TSHZ2: variants seen among roughly 807,000 people sequenced by gnomAD.
TSHZ2 encodes the protein teashirt homolog 2.
A neutral mutation model predicts 74.4 loss-of-function variants in TSHZ2; 21 were observed. The observed-to-expected ratio is 0.28, with a 90% CI of 0.20 to 0.41. TSHZ2 has a LOEUF of 0.41. Among genes scored for constraint, TSHZ2 ranks in the 10% least tolerant of loss-of-function variants. The pLI is 1.00. For synonymous variants in TSHZ2, 540 were observed against 515.3 expected, an observed-to-expected ratio of 1.05 and a Z score of -0.65; for missense variants, 1,244 against 1,293.5, an observed-to-expected ratio of 0.96 and a Z score of 0.59.
intron 1 of TSHZ2, among the ~76,000 whole-genome samples, chr20:53,216,511 C>A (rs1989436808): frequency 6.6e-6 from 1 of 152,204 alleles, no homozygotes; most frequent in South Asian, 2.1e-4. Flanking sequence ...AAAATCAGGA[C>A]AACAAAGGGT....
At chr20:53,260,207 A>G (rs1371533607) in intron 2 of TSHZ2, among the ~76,000 whole-genome samples, 2 of 152,258 alleles carry the variant, frequency 1.3e-5, no homozygotes, top group African/African-American at 4.8e-5. Context: ...ACCAATTGTA[A>G]TAGCAAAACA....
chr20:53,229,108 A>G (rs1018155474), intron 1 of TSHZ2, among the ~76,000 whole-genome samples: 1 of 152,180 alleles, frequency 6.6e-6, no homozygotes, highest in African/African-American at 2.4e-5. Flanking sequence ...TGAAACCTCT[A>G]GAAACGGGCT....
intron 1 of TSHZ2, among the ~76,000 whole-genome samples, chr20:53,123,174 A>G (rs1308442355): frequency 6.6e-6 from 1 of 152,198 alleles, no homozygotes; most frequent in Non-Finnish European, 1.5e-5. Context: ...TTTTCAAAGC[A>G]ACTTCTATGA....
At chr20:53,153,540 G>T (rs969340357) in intron 1 of TSHZ2, among the ~76,000 whole-genome samples, 4 of 152,186 alleles carry the variant, frequency 2.6e-5, no homozygotes, top group Non-Finnish European at 5.9e-5. Flanking sequence ...GATGTGAAAG[G>T]TGGAGGACTA....
At chr20:53,237,560 G>A (rs1989970118) in intron 1 of TSHZ2, among the ~76,000 whole-genome samples, 1 of 151,554 alleles carries the variant, frequency 6.6e-6, no homozygotes, top group Non-Finnish European at 1.5e-5. Context: ...TTCTACATAC[G>A]AAAAATATAG....
At chr20:53,093,260 TG>T (rs1252666942) in intron 1 of TSHZ2, among the ~76,000 whole-genome samples, 2 of 152,214 alleles carry the variant, frequency 1.3e-5, no homozygotes, top group Non-Finnish European at 2.9e-5. Context: ...ACACATCCAA[TG>T]TTAGATGCTA....
At chr20:53,290,935 T>C (rs1991265904) in intron 2 of TSHZ2, among the ~76,000 whole-genome samples, 1 of 152,228 alleles carries the variant, frequency 6.6e-6, no homozygotes, top group South Asian at 2.1e-4. Context: ...TGCTATAATG[T>C]CATATTTGAG....
chr20:53,323,722 C>T (rs1263862010), intron 2 of TSHZ2, among the ~76,000 whole-genome samples: 1 of 151,618 alleles, frequency 6.6e-6, no homozygotes, highest in Admixed American at 6.6e-5. Context: ...ATTACAGGCG[C>T]ACACCACCAC....
intron 2 of TSHZ2, among the ~76,000 whole-genome samples, chr20:53,359,355 TC>T: frequency 6.6e-6 from 1 of 152,294 alleles, no homozygotes; most frequent in East Asian, 1.9e-4. Flanking sequence ...CAATTTCTTA[TC>T]TGTAAAATGA....
At chr20:53,139,496 C>T (rs1293420) in intron 1 of TSHZ2, among the ~76,000 whole-genome samples, 11,157 of 152,248 alleles carry the variant, frequency 0.073, 457 homozygotes, top group Non-Finnish European at 0.089. Context: ...TGCTGTGGTA[C>T]CAGCTGCCAG....
intron 1 of TSHZ2, among the ~76,000 whole-genome samples, chr20:53,251,402 A>AT (rs1319595604): frequency 6.6e-6 from 1 of 152,152 alleles, no homozygotes; most frequent in Non-Finnish European, 1.5e-5. Flanking sequence ...TGGTATATCT[A>AT]TTTTTTGCAA....
chr20:53,030,009 T>C (rs969003854), intron 1 of TSHZ2, among the ~76,000 whole-genome samples: 1 of 152,186 alleles, frequency 6.6e-6, no homozygotes, highest in Non-Finnish European at 1.5e-5. Context: ...ACTCTTGTTT[T>C]AACATCTGTG....
chr20:53,421,971 G>A lies in TSHZ2; in HGVS notation c.*9-65173G>A, dbSNP rs139083426. Among the ~76,000 whole-genome samples, 11 of 152,086 alleles carry A rather than the reference G, an allele frequency of 7.2e-5. No homozygotes were observed. The East Asian group carries it at 1.5e-3, about 21-fold the overall frequency. ...GCTGGGATTACAGGCATGAGCCACCGCACCCGGCCTATCTTATGTTTTATC... is the reference window on the plus strand; with the variant it reads ...GCTGGGATTACAGGCATGAGCCACCACACCCGGCCTATCTTATGTTTTATC... On this transcript the variant is annotated intron_variant, in intron 2 of 2. Coordinates refer to ENST00000371497, the MANE Select transcript of TSHZ2 (RefSeq NM_173485.6).
chr20:53,372,587 G>T (rs888545227), intron 2 of TSHZ2, among the ~76,000 whole-genome samples: 1 of 152,132 alleles, frequency 6.6e-6, no homozygotes, highest in African/African-American at 2.4e-5. Flanking sequence ...TGTCTCCAAG[G>T]TCTCTTCCAT....
At chr20:52,986,397 C>T (rs1450838313) in intron 1 of TSHZ2, among the ~76,000 whole-genome samples, 1 of 116,136 alleles carries the variant, frequency 8.6e-6, no homozygotes, top group East Asian at 3.2e-4. Context: ...GAGCAAGAAT[C>T]CATCAAAAAA....
At chr20:53,032,211 G>T (rs914850434) in intron 1 of TSHZ2, among the ~76,000 whole-genome samples, 2 of 152,184 alleles carry the variant, frequency 1.3e-5, no homozygotes, top group Admixed American at 1.3e-4. Context: ...ACATTGCTTT[G>T]CGTCTCTATT....
intron 1 of TSHZ2, among the ~76,000 whole-genome samples, chr20:53,115,229 A>G (rs1371828772): frequency 6.6e-6 from 1 of 152,198 alleles, no homozygotes; most frequent in Non-Finnish European, 1.5e-5. Context: ...TTTAAGTACT[A>G]TTTGGTAGCA....
chr20:53,215,727 G>T (rs1021506252), intron 1 of TSHZ2, among the ~76,000 whole-genome samples: 1 of 151,778 alleles, frequency 6.6e-6, no homozygotes, highest in Non-Finnish European at 1.5e-5. Context: ...AATTAGCCGG[G>T]CATGGTGGCA....
rs561502596 is a variant in TSHZ2, at chr20:53,430,363, C to T, written c.*9-56781C>T. On this transcript the variant is annotated intron_variant, in intron 2 of 2. Coordinates refer to ENST00000371497, the MANE Select transcript of TSHZ2 (RefSeq NM_173485.6). ...CAAGTGATCCACCCGCCTTGGCCTC[C>T]CAAAGTGCTGGGATTACAGGCATGA... is the stretch of plus-strand genomic sequence containing the variant. Among the ~76,000 whole-genome samples the T allele has an allele frequency of 2.0e-5, 3 of 152,044 alleles. No individual in the cohort carries two copies. In the East Asian group the frequency reaches 5.8e-4, roughly 30 times the overall value.
Sources: allele counts gnomAD v4.1 joint callset (sites outside exome capture counted in the v4.1 genomes callset), GRCh38; gene constraint gnomAD v4.1.1; transcripts MANE v1.5; gene names NCBI Gene and HGNC (gene_info 2026-07-23, HGNC 2026-07-21).